The following CLDN16 variants were observed in gnomAD, a reference collection of about 807,000 sequenced individuals.
CLDN16 encodes the protein claudin 16.
Under a neutral mutation model 24.6 loss-of-function variants are expected in CLDN16, and 13 were observed. The observed-to-expected ratio is 0.53, with a 90% CI of 0.34 to 0.84. The LOEUF (loss-of-function observed/expected upper bound fraction) is 0.84, where lower values mean the gene tolerates loss of function less well. Ranked by LOEUF, CLDN16 falls within the 40% of genes least tolerant of loss-of-function variation. The pLI is 0.01. For synonymous variants in CLDN16, 116 were observed against 106.7 expected, an observed-to-expected ratio of 1.09 and a Z score of -0.54; for missense variants, 298 against 292.7, an observed-to-expected ratio of 1.02 and a Z score of -0.13.
chr3:190,407,691 C>T (rs762858265), intron 3 of CLDN16, among the ~76,000 whole-genome samples: 24 of 152,186 alleles, frequency 1.6e-4, no homozygotes, highest in Non-Finnish European at 3.2e-4. Flanking sequence ...TTTCTTGGTC[C>T]ATTCTTATAT....
chr3:190,302,386 G>A, the CLDN16 span, among the ~76,000 whole-genome samples: 1 of 152,110 alleles, frequency 6.6e-6, no homozygotes, highest in Non-Finnish European at 1.5e-5. Flanking sequence ...AGGAATTTTT[G>A]TCTATTTTAT....
chr3:190,294,085 T>C, the CLDN16 span, among the ~76,000 whole-genome samples: 3 of 152,294 alleles, frequency 2.0e-5, no homozygotes, highest in African/African-American at 7.2e-5. Flanking sequence ...AGGCTGTCTA[T>C]TGTCCTGAGA....
intron 1 of CLDN16, among the ~76,000 whole-genome samples, chr3:190,366,292 T>C (rs577736760): frequency 6.6e-6 from 1 of 152,032 alleles, no homozygotes; most frequent in South Asian, 2.1e-4. Flanking sequence ...TTTCCAACAT[T>C]ATGCCAGCCA....
chr3:190,313,228 G>T, the CLDN16 span: 1 of 595,490 alleles, frequency 1.7e-6, no homozygotes, highest in Non-Finnish European at 3.0e-6. Flanking sequence ...CAAATGCCAG[G>T]CTGGATGATG....
At chr3:190,373,728 C>T (rs527844272) in intron 2 of CLDN16, among the ~76,000 whole-genome samples, 9 of 151,878 alleles carry the variant, frequency 5.9e-5, no homozygotes, top group Admixed American at 3.9e-4. Flanking sequence ...AATAGCTAGT[C>T]CAGCGCTCAG....
At chr3:190,360,131 CTT>C (rs1394697436) in intron 1 of CLDN16, among the ~76,000 whole-genome samples, 1 of 151,938 alleles carries the variant, frequency 6.6e-6, no homozygotes, top group East Asian at 1.9e-4. Context: ...AACAAAGAAA[CTT>C]TGCAAACCAA....
the CLDN16 span, among the ~76,000 whole-genome samples, chr3:190,314,071 C>G: frequency 6.6e-6 from 1 of 152,102 alleles, no homozygotes; most frequent in African/African-American, 2.4e-5. Flanking sequence ...TTAGCTTTAA[C>G]AAACTGTGCT....
At chr3:190,317,065 A>G in the CLDN16 span, among the ~76,000 whole-genome samples, 12 of 152,300 alleles carry the variant, frequency 7.9e-5, no homozygotes, top group African/African-American at 2.9e-4. Flanking sequence ...CAGAGAAGTT[A>G]AAAAGGATGT....
intron 2 of CLDN16, among the ~76,000 whole-genome samples, chr3:190,373,974 T>C (rs533968764): frequency 1.3e-4 from 20 of 151,972 alleles, no homozygotes; most frequent in African/African-American, 4.3e-4. Flanking sequence ...TTCCCCTTTT[T>C]CTCCATTTGG....
At chr3:190,308,459 T>A in the CLDN16 span, 1 of 1,612,684 alleles carries the variant, frequency 6.2e-7, no homozygotes. Flanking sequence ...AAAACCCATG[T>A]GCTTGTTAAT....
At chr3:190,373,843 T>TA (rs59060697) in intron 2 of CLDN16, among the ~76,000 whole-genome samples, 20 of 149,470 alleles carry the variant, frequency 1.3e-4, no homozygotes, top group African/African-American at 2.2e-4. Flanking sequence ...GTGCCCATAT[T>TA]AAAAAAAAAA....
At chr3:190,335,479 C>A (rs1235624948) in intron 1 of CLDN16, among the ~76,000 whole-genome samples, 1 of 152,008 alleles carries the variant, frequency 6.6e-6, no homozygotes, top group Non-Finnish European at 1.5e-5. Context: ...CTTTGAGAGG[C>A]CGAAACGGGT....
the CLDN16 span, chr3:190,306,476 T>C: frequency 0.12 from 18,633 of 152,266 alleles, 1,686 homozygotes; most frequent in East Asian, 0.5. Flanking sequence ...TAGCACTTTT[T>C]AAATTACAAA....
chr3:190,354,263 G>A (rs1717723606), intron 1 of CLDN16, among the ~76,000 whole-genome samples: 1 of 151,940 alleles, frequency 6.6e-6, no homozygotes. Context: ...ATCTTTTAGG[G>A]AACTATTATT....
At chr3:190,387,357 T>C (rs1372826478), upstream of CLDN16, among the ~76,000 whole-genome samples, 3 of 100,294 alleles carry the variant, frequency 3.0e-5, no homozygotes, top group African/African-American at 1.5e-4. Flanking sequence ...CTTCCTAATA[T>C]AACAGTTTTT....
upstream of CLDN16, chr3:190,322,429 A>G (rs373105262): frequency 1.7e-6 from 1 of 587,096 alleles, no homozygotes; most frequent in East Asian, 2.8e-5. Flanking sequence ...GGTTGCTCCC[A>G]GGCTCGGGAA....
chr3:190,353,927 G>A (rs1435421499), intron 1 of CLDN16, among the ~76,000 whole-genome samples: 1 of 151,998 alleles, frequency 6.6e-6, no homozygotes, highest in African/African-American at 2.4e-5. Context: ...CCAATTCTGA[G>A]GGCCATAAGT....
intron 1 of CLDN16, among the ~76,000 whole-genome samples, chr3:190,368,685 T>A (rs1718072933): frequency 6.6e-6 from 1 of 151,944 alleles, no homozygotes. Flanking sequence ...ATTTCCTGGA[T>A]GGTTAAATGT....
At chr3:190,360,820 A>G (rs1717871969) in intron 1 of CLDN16, among the ~76,000 whole-genome samples, 1 of 151,776 alleles carries the variant, frequency 6.6e-6, no homozygotes, top group Non-Finnish European at 1.5e-5. Context: ...TGCATATTTA[A>G]GAATATACAT....
Sources: allele counts gnomAD v4.1 joint callset (sites outside exome capture counted in the v4.1 genomes callset), GRCh38; gene constraint gnomAD v4.1.1; transcripts MANE v1.5; gene names NCBI Gene and HGNC (gene_info 2026-07-23, HGNC 2026-07-21).